The following MLPH variants were observed in gnomAD, a reference collection of about 807,000 sequenced individuals.
The protein encoded by MLPH is exophilin-3.
A neutral mutation model predicts 72.1 loss-of-function variants in MLPH; 51 were observed. The ratio of observed to expected loss-of-function variants is 0.71; its 90% CI spans 0.56 to 0.89. The LOEUF (loss-of-function observed/expected upper bound fraction) is 0.89, where lower values mean the gene tolerates loss of function less well. Ranked by LOEUF, MLPH falls within the 40% of genes least tolerant of loss-of-function variation. The probability of loss-of-function intolerance (pLI) is 0.00; values close to 1 mark genes in which losing one functional copy is unlikely to be tolerated. For synonymous variants in MLPH, 301 were observed against 310.1 expected, an observed-to-expected ratio of 0.97 and a Z score of 0.31; for missense variants, 743 against 759.9, an observed-to-expected ratio of 0.98 and a Z score of 0.26.
intron 2 of MLPH, among the ~76,000 whole-genome samples, chr2:237,496,002 C>T (rs900998292): frequency 1.1e-4 from 16 of 152,338 alleles, no homozygotes; most frequent in South Asian, 4.1e-4. Flanking sequence ...ATTCTCTCTA[C>T]GTAAACTCAA....
chr2:237,545,436 T>G, intron 12 of MLPH: 1 of 1,281,342 alleles, frequency 7.8e-7, no homozygotes, highest in East Asian at 5.6e-5. Flanking sequence ...GTTTATTATT[T>G]GTTGTTTCTA....
Position 237,553,219 on chromosome 2 carries a change from G to A in MLPH, c.1777-347G>A, listed in dbSNP as rs544988534. On this transcript the variant is annotated intron_variant, in intron 15 of 15. Coordinates refer to ENST00000264605, the MANE Select transcript of MLPH (RefSeq NM_024101.7). ...GACCAGTCTGGTTGGTTGCGGGAGG[G>A]GACCAATCCGAGGTACTTTCCATTT... The A allele has an allele frequency of 9.4e-5, 46 of 490,020 alleles. No individual in the cohort carries two copies. The Middle Eastern group carries it at 2.9e-3, about 31-fold the overall frequency. 30.4% of individuals were successfully genotyped at this position (490,020 alleles called of 1,614,324 possible).
chr2:237,512,243 C>T lies in MLPH; in HGVS notation c.445+1142C>T, dbSNP rs2079920666. 6.6e-6 allele frequency among the ~76,000 whole-genome samples: 1 copy of T among 152,224 alleles called. No homozygotes were observed. The highest frequency in any genetic ancestry group is 1.5e-5 in the Non-Finnish European group (1 of 68,046). On this transcript the variant is annotated intron_variant, in intron 4 of 15. Transcript: ENST00000264605. The surrounding 1 kb of genome is among the most constrained non-coding windows in gnomAD (Gnocchi z 5.5). ...TATTCGTGCCTGTCTCTTAAAGCCT[C>T]AAGTTTGATTGAAGAAGCAGAAGTT...
At chr2:237,497,033 G>A (rs1231601507) in intron 2 of MLPH, among the ~76,000 whole-genome samples, 1 of 152,168 alleles carries the variant, frequency 6.6e-6, no homozygotes, top group Non-Finnish European at 1.5e-5. Context: ...GGAGGAGGCT[G>A]GGGGCAGGGT....
At chr2:237,528,597 C>G (rs111693720) in intron 8 of MLPH, among the ~76,000 whole-genome samples, 16 of 152,232 alleles carry the variant, frequency 1.1e-4, no homozygotes, top group Non-Finnish European at 2.1e-4. Context: ...GTGATCCCCC[C>G]ACCTTGGCCT....
intron 2 of MLPH, among the ~76,000 whole-genome samples, chr2:237,502,875 T>G (rs1333729341): frequency 6.6e-6 from 1 of 152,098 alleles, no homozygotes; most frequent in East Asian, 1.9e-4. Context: ...CCCTAGCACT[T>G]TGGGAGGCCG....
chr2:237,493,686 T>C (rs1171272736), intron 2 of MLPH, 150 bp downstream of exon 2: 1 of 662,072 alleles, frequency 1.5e-6, no homozygotes, highest in Non-Finnish European at 2.8e-6. Flanking sequence ...CTCTTCTTTC[T>C]GGCCTTGGTT....
chr2:237,517,152 G>A (rs79562592), intron 4 of MLPH, among the ~76,000 whole-genome samples: 2 of 150,728 alleles, frequency 1.3e-5, no homozygotes, highest in African/African-American at 4.9e-5. Flanking sequence ...TGCATTGGTG[G>A]GTGGATGGGT....
chr2:237,501,419 G>A (rs2079644261), intron 2 of MLPH, among the ~76,000 whole-genome samples: 1 of 135,640 alleles, frequency 7.4e-6, no homozygotes, highest in Non-Finnish European at 1.5e-5. Context: ...TTTACTTTTA[G>A]CATTCGCGGG....
In MLPH at chr2:237,553,704, G is replaced by C. The variant is rs541244731; in HGVS notation, c.*112G>C. On this transcript the variant is annotated 3_prime_UTR_variant, in exon 16 of 16. Coordinates refer to ENST00000264605, the MANE Select transcript of MLPH (RefSeq NM_024101.7). ...CTATACACAGTCACCGTCCCAATGAGAAACAAGAAGGAGCACCCTCCACAT... is the reference window on the plus strand; with the variant it reads ...CTATACACAGTCACCGTCCCAATGACAAACAAGAAGGAGCACCCTCCACAT... 2.0e-6 allele frequency: 3 copies of C among 1,464,604 alleles called. No individual in the cohort carries two copies. Among genetic ancestry groups the C allele is most frequent in the Admixed American group, 3.3e-5 (2 of 59,834 alleles). 90.7% of individuals were successfully genotyped at this position (1,464,604 alleles called of 1,614,324 possible).
At position 237,498,723 on chromosome 2, in the gene MLPH, C is replaced by G. The variant is rs1022272427; in HGVS notation, c.110+5187C>G. Among the ~76,000 whole-genome samples, 6 of 152,238 alleles carry G rather than the reference C, an allele frequency of 3.9e-5. 1 individual carries two copies. The highest frequency in any genetic ancestry group is 8.8e-5 in the Non-Finnish European group (6 of 68,042). Reference sequence around the variant, plus strand: ...TCTCTCTCTCAAGTCATCTGTGCCACTAGGGATTTGGGAATGGGCTGTTTG... The same window carrying G: ...TCTCTCTCTCAAGTCATCTGTGCCAGTAGGGATTTGGGAATGGGCTGTTTG... On this transcript the variant is annotated intron_variant, in intron 2 of 15. Transcript: ENST00000264605.
chr2:237,491,732 C>T (rs1264373392), intron 1 of MLPH, among the ~76,000 whole-genome samples: 1 of 152,090 alleles, frequency 6.6e-6, no homozygotes, highest in African/African-American at 2.4e-5. Flanking sequence ...TACAATTGTT[C>T]CTCCAATTTT....
At chr2:237,516,213 G>A (rs1369846956) in intron 4 of MLPH, among the ~76,000 whole-genome samples, 1 of 152,234 alleles carries the variant, frequency 6.6e-6, no homozygotes, top group African/African-American at 2.4e-5. Context: ...GAGTAGAAAG[G>A]TGGATGGTCC....
chr2:237,533,122 T>G (rs2080456775), intron 8 of MLPH, among the ~76,000 whole-genome samples: 1 of 152,188 alleles, frequency 6.6e-6, no homozygotes, highest in Non-Finnish European at 1.5e-5. Flanking sequence ...AAAAGCAACC[T>G]TCTCACACAT....
chr2:237,548,865 C>T lies in MLPH; in HGVS notation c.1618-356C>T, dbSNP rs537105079. Among the ~76,000 whole-genome samples, 5 of 152,194 alleles carry T rather than the reference C, an allele frequency of 3.3e-5. No individual in the cohort carries two copies. In the South Asian group the frequency reaches 6.2e-4, roughly 19 times the overall value. On this transcript the variant is annotated intron_variant, in intron 13 of 15. Coordinates refer to ENST00000264605, the MANE Select transcript of MLPH (RefSeq NM_024101.7). Reference sequence around the variant, plus strand: ...CTGCACTCCAGCCTGGGTGACAGAGCGAGACTCCATCTCAAACAAAAAAAG... The same window carrying T: ...CTGCACTCCAGCCTGGGTGACAGAGTGAGACTCCATCTCAAACAAAAAAAG...
intron 9 of MLPH, among the ~76,000 whole-genome samples, chr2:237,536,866 G>A (rs1190664908): frequency 6.6e-6 from 1 of 152,032 alleles, no homozygotes; most frequent in Non-Finnish European, 1.5e-5. Flanking sequence ...GGAGGGAAAG[G>A]GCAGCCACCC....
At chr2:237,514,474 G>C (rs1043079641) in intron 4 of MLPH, among the ~76,000 whole-genome samples, 4 of 151,626 alleles carry the variant, frequency 2.6e-5, no homozygotes, top group African/African-American at 9.7e-5. Flanking sequence ...TTTATGGCTG[G>C]CTTTGGGAGA....
intron 9 of MLPH, among the ~76,000 whole-genome samples, chr2:237,539,132 C>A (rs28419147): frequency 1.3e-5 from 2 of 149,918 alleles, no homozygotes; most frequent in African/African-American, 4.9e-5. Context: ...CAGGCTCTGC[C>A]TTTTACTATG....
chr2:237,491,758 G>A lies in MLPH; in HGVS notation c.-24-1645G>A, dbSNP rs901614399. Among the ~76,000 whole-genome samples, 4 of 152,214 alleles carry A rather than the reference G, an allele frequency of 2.6e-5. No homozygotes were observed. In the East Asian group the frequency reaches 7.7e-4, roughly 29 times the overall value. ...CTCCAATTTTATACCCAGCAGTAAT[G>A]TCCACATCAATATAAGCTGTGAGGC... is the stretch of plus-strand genomic sequence containing the variant. On this transcript the variant is annotated intron_variant, in intron 1 of 15. Coordinates refer to ENST00000264605, the MANE Select transcript of MLPH (RefSeq NM_024101.7).
Sources: allele counts gnomAD v4.1 joint callset (sites outside exome capture counted in the v4.1 genomes callset), GRCh38; gene constraint gnomAD v4.1.1; non-coding constraint Gnocchi (gnomAD v3.1); transcripts MANE v1.5; gene names NCBI Gene and HGNC (gene_info 2026-07-23, HGNC 2026-07-21).